PER3: variants seen among roughly 807,000 people sequenced by gnomAD.
PER3 encodes period circadian regulator 3, also known as period circadian protein homolog 3.
PER3 carries 107 observed loss-of-function variants against 127.2 expected under a neutral mutation model. The ratio of observed to expected loss-of-function variants is 0.84; its 90% CI spans 0.72 to 0.99. The LOEUF (loss-of-function observed/expected upper bound fraction) is 0.99, where lower values mean the gene tolerates loss of function less well. PER3 is among the 50% of genes least tolerant of loss of function. The pLI, the probability that PER3 is intolerant of heterozygous loss-of-function variation, is 0.00. For synonymous variants in PER3, 618 were observed against 585.8 expected (o/e 1.05, Z -0.79); for missense variants, 1,560 against 1,525.8 (o/e 1.02, Z -0.37).
chr1:7,806,207 C>T (rs779249086), intron 10 of PER3, among the ~76,000 whole-genome samples: 8 of 152,050 alleles, frequency 5.3e-5, no homozygotes, highest in Non-Finnish European at 1.2e-4. Flanking sequence ...AGCAAGGGAC[C>T]CTGCCTGTAT....
chr1:7,790,427 G>A (rs1294312700), intron 5 of PER3, among the ~76,000 whole-genome samples: 2 of 152,134 alleles, frequency 1.3e-5, no homozygotes, highest in Admixed American at 1.3e-4. Flanking sequence ...AGAACAGCAT[G>A]GGGGAAACTG....
chr1:7,795,406 C>T (rs1308878214), intron 6 of PER3, among the ~76,000 whole-genome samples: 1 of 152,062 alleles, frequency 6.6e-6, no homozygotes, highest in Non-Finnish European at 1.5e-5. Flanking sequence ...AAGCAAGGAG[C>T]GGGAGTTCTG....
At chr1:7,802,900 T>G in intron 8 of PER3, 147 bp from the exon 9 acceptor site, 1 of 639,148 alleles carries the variant, frequency 1.6e-6, no homozygotes, top group Non-Finnish European at 2.9e-6. Context: ...GATGGGCACT[T>G]GGGTTCTTTG....
intron 16 of PER3, among the ~76,000 whole-genome samples, chr1:7,822,734 G>A (rs2097283194): frequency 6.6e-6 from 1 of 152,120 alleles, no homozygotes; most frequent in Admixed American, 6.5e-5. Flanking sequence ...TGTCAATAAT[G>A]ACATAAAATT....
chr1:7,798,786 C>G, intron 7 of PER3, 113 bp downstream of exon 7: 2 of 795,218 alleles, frequency 2.5e-6, no homozygotes, highest in East Asian at 2.5e-5. Context: ...CAATTTGACC[C>G]TTAAACTCTT....
chr1:7,840,543 C>T (rs2097381104), intron 21 of PER3, among the ~76,000 whole-genome samples: 2 of 152,008 alleles, frequency 1.3e-5, no homozygotes, highest in African/African-American at 4.8e-5. Flanking sequence ...GTCTTGAACT[C>T]TTGAGCTCAA....
At chr1:7,823,597 G>A (rs2097287913) in intron 16 of PER3, among the ~76,000 whole-genome samples, 1 of 151,614 alleles carries the variant, frequency 6.6e-6, no homozygotes, top group South Asian at 2.1e-4. Context: ...AGCCAAGATT[G>A]CGCCATTGCA....
intron 13 of PER3, among the ~76,000 whole-genome samples, chr1:7,814,973 G>A (rs889233964): frequency 6.6e-6 from 1 of 152,122 alleles, no homozygotes; most frequent in Non-Finnish European, 1.5e-5. Flanking sequence ...TGGAATTTAA[G>A]ACACTTAACC....
At chr1:7,799,915 C>T (rs1238148712) in intron 7 of PER3, among the ~76,000 whole-genome samples, 2 of 151,958 alleles carry the variant, frequency 1.3e-5, no homozygotes, top group African/African-American at 2.4e-5. Context: ...ACCACAGGCA[C>T]GCACCATCAC....
intron 20 of PER3, 198 bp from the exon 21 acceptor site, chr1:7,836,801 A>G (rs1035560163): frequency 4.2e-6 from 2 of 477,602 alleles, no homozygotes; most frequent in East Asian, 3.2e-5. Flanking sequence ...TTAAAACATC[A>G]TATAGATATT....
chr1:7,785,713 T>TGCGGC, intron 3 of PER3, 127 bp downstream of exon 3: 1 of 705,880 alleles, frequency 1.4e-6, no homozygotes, highest in Non-Finnish European at 2.4e-6. Flanking sequence ...TTGTGGAAGA[T>TGCGGC]GAGCAAATCT....
At position 7,826,975 on chromosome 1, in the gene PER3, A is replaced by C; in HGVS notation, c.2189-143A>C. 1 of 679,824 alleles carries C rather than the reference A, an allele frequency of 1.5e-6. No homozygotes were observed. The highest frequency in any genetic ancestry group is 3.0e-5 in the Admixed American group (1 of 32,934). The allele number at this position is 679,824 out of a possible 1,614,324, so 42.1% of individuals were successfully genotyped here. A position where few individuals can be genotyped will look rare whatever the true frequency, so the allele number is the denominator to read the frequency against. On this transcript the variant is annotated intron_variant, in intron 17 of 21. Transcript: ENST00000377532. The surrounding 1 kb of genome is among the most constrained non-coding windows in gnomAD (Gnocchi z 4.2). ...ACTATTTTTATCCGGAATTTTGTTC[A>C]TCTTTTTAGAGCCACTTTTTGTCAT...
At chr1:7,789,140 A>ATATATATAT (rs1553301246) in intron 5 of PER3, among the ~76,000 whole-genome samples, 1 of 133,158 alleles carries the variant, frequency 7.5e-6, no homozygotes, top group Non-Finnish European at 1.7e-5. Flanking sequence ...AGAGCTTTAA[A>ATATATATAT]ATATATATAT....
chr1:7,829,852 A>G lies in PER3; in HGVS notation c.2905A>G (p.Asn969Asp). 6.2e-7 allele frequency: 1 copy of G among 1,614,000 alleles called. No individual in the cohort carries two copies. Among genetic ancestry groups the G allele is most frequent in the Non-Finnish European group, 8.5e-7 (1 of 1,179,868 alleles). The change falls in exon 19 of 22, where the codon AAT (asparagine) becomes GAT (aspartate). Residue 969 changes from asparagine (N) to aspartate (D), a missense_variant. By Grantham distance (23) the Asn-to-Asp change is conservative. Around this residue, in one of 3 missense-constraint regions of PER3, gnomAD observed 1,332 missense variants for 1,223.6 expected, o/e 1.09. Transcript: ENST00000377532. ...TTTCTAGCAGTGTGTTACAGGCAAC[A>G]ATGGCAGTGAGAGCAGTCCTGCTAC... Reference protein sequence around the residue: ...QTEYQCVTGNNGSESSPATTG... With the variant: ...QTEYQCVTGNDGSESSPATTG...
intron 8 of PER3, 60 bp from the exon 9 acceptor site, chr1:7,802,987 T>A: frequency 1.1e-6 from 1 of 890,506 alleles, no homozygotes; most frequent in Non-Finnish European, 1.9e-6. Flanking sequence ...GAAGTATTTT[T>A]AAAAGTGTAT....
intron 16 of PER3, among the ~76,000 whole-genome samples, chr1:7,821,674 T>A (rs1244786934): frequency 6.6e-6 from 1 of 152,220 alleles, no homozygotes; most frequent in Non-Finnish European, 1.5e-5. Flanking sequence ...ATATGACCGT[T>A]TTTAATGAAT....
chr1:7,830,272 TCTTTTTCC>T (rs2097325186), intron 19 of PER3, 111 bp downstream of exon 19: 1 of 966,798 alleles, frequency 1.0e-6, no homozygotes, highest in South Asian at 1.6e-5. Context: ...GGTTTTTTTT[TCTTTTTCC>T]CTTTTTCCTT....
chr1:7,840,806 C>T (rs527544852), intron 21 of PER3, among the ~76,000 whole-genome samples: 9 of 151,722 alleles, frequency 5.9e-5, no homozygotes, highest in African/African-American at 1.5e-4. Context: ...TGGAGCCTCA[C>T]TCTGTTGCCC....
At chr1:7,791,835 C>T (rs2097122974) in intron 5 of PER3, among the ~76,000 whole-genome samples, 1 of 152,164 alleles carries the variant, frequency 6.6e-6, no homozygotes, top group African/African-American at 2.4e-5. Context: ...TTACTCCAGT[C>T]CCAACAAGTT....
Sources: allele counts gnomAD v4.1 joint callset (sites outside exome capture counted in the v4.1 genomes callset), GRCh38; gene constraint gnomAD v4.1.1; regional missense constraint gnomAD v4.1.1; non-coding constraint Gnocchi (gnomAD v3.1); transcripts MANE v1.5; gene names NCBI Gene and HGNC (gene_info 2026-07-23, HGNC 2026-07-21).